The following EHBP1 variants were observed in gnomAD, a reference collection of about 807,000 sequenced individuals.
The protein encoded by EHBP1 is EH domain binding protein 1.
A neutral mutation model predicts 144.0 loss-of-function variants in EHBP1; 55 were observed. The observed-to-expected ratio is 0.38, with a 90% CI of 0.31 to 0.48. EHBP1 has a LOEUF of 0.48. Ranked by LOEUF, EHBP1 falls within the 20% of genes least tolerant of loss-of-function variation. EHBP1 has a pLI of 0.98. For synonymous variants in EHBP1, 469 were observed against 472.7 expected, an observed-to-expected ratio of 0.99 and a Z score of 0.10; for missense variants, 1,200 against 1,364.2, an observed-to-expected ratio of 0.88 and a Z score of 1.90.
chr2:62,759,416 G>GT (rs1017804341), intron 3 of EHBP1, among the ~76,000 whole-genome samples: 1 of 151,818 alleles, frequency 6.6e-6, no homozygotes, highest in Non-Finnish European at 1.5e-5. Context: ...TTTTTCTTTT[G>GT]TTTTTTTGAG....
intron 2 of EHBP1, among the ~76,000 whole-genome samples, chr2:62,733,686 A>T (rs2037831532): frequency 6.6e-6 from 1 of 152,156 alleles, no homozygotes; most frequent in Non-Finnish European, 1.5e-5. Context: ...CAAAGTGGCT[A>T]CTTTTTCTCT....
intron 7 of EHBP1, among the ~76,000 whole-genome samples, chr2:62,841,825 T>C (rs2047903446): frequency 6.6e-6 from 1 of 152,166 alleles, no homozygotes; most frequent in Non-Finnish European, 1.5e-5. Flanking sequence ...TAAGTGGGTG[T>C]CTTTCCCCTA....
intron 7 of EHBP1, among the ~76,000 whole-genome samples, chr2:62,850,974 C>T (rs2048655365): frequency 6.6e-6 from 1 of 152,096 alleles, no homozygotes; most frequent in African/African-American, 2.4e-5. Flanking sequence ...AACTAATAGC[C>T]CAGTCTCAGT....
At chr2:62,963,624 C>T (rs2058101952) in intron 14 of EHBP1, among the ~76,000 whole-genome samples, 1 of 152,128 alleles carries the variant, frequency 6.6e-6, no homozygotes, top group South Asian at 2.1e-4. Context: ...CCTAATTACA[C>T]ATATTATCAA....
chr2:62,731,118 A>G (rs999374211), intron 2 of EHBP1, among the ~76,000 whole-genome samples: 1 of 151,440 alleles, frequency 6.6e-6, no homozygotes, highest in African/African-American at 2.4e-5. Flanking sequence ...GATCTTGTAT[A>G]TATTTATTGG....
At chr2:63,034,758 G>T (rs1018566928) in intron 19 of EHBP1, among the ~76,000 whole-genome samples, 1 of 151,334 alleles carries the variant, frequency 6.6e-6, no homozygotes, top group Non-Finnish European at 1.5e-5. Context: ...TCAAAGTACC[G>T]CACTGACAGC....
At chr2:62,725,472 CA>C (rs1325275605) in intron 2 of EHBP1, among the ~76,000 whole-genome samples, 1 of 152,208 alleles carries the variant, frequency 6.6e-6, no homozygotes. Context: ...GGTGTTGGCA[CA>C]GGGGTGGGGC....
intron 5 of EHBP1, among the ~76,000 whole-genome samples, chr2:62,779,307 T>C (rs1241079024): frequency 6.6e-6 from 1 of 152,224 alleles, no homozygotes; most frequent in Non-Finnish European, 1.5e-5. Flanking sequence ...TAATTAAGAA[T>C]GGTTTAGTCA....
At chr2:62,907,928 T>C (rs1398794598) in intron 10 of EHBP1, among the ~76,000 whole-genome samples, 3 of 152,206 alleles carry the variant, frequency 2.0e-5, no homozygotes, top group Non-Finnish European at 4.4e-5. Context: ...TATTTTGTCC[T>C]GGAGGAGGAA....
chr2:62,988,073 G>A (rs780083566), intron 15 of EHBP1: 3 of 1,206,796 alleles, frequency 2.5e-6, no homozygotes, highest in Admixed American at 3.6e-5. Context: ...GTGTCCTGCT[G>A]CATGGCAAAC....
At chr2:62,722,993 A>T (rs2151944115) in intron 2 of EHBP1, among the ~76,000 whole-genome samples, 1 of 152,230 alleles carries the variant, frequency 6.6e-6, no homozygotes, top group South Asian at 2.1e-4. Flanking sequence ...TTGTTTTTGG[A>T]TGGAGAGTTC....
In EHBP1 at chr2:63,000,123, G is replaced by A. The variant is rs575103653; in HGVS notation, c.3103+3357G>A. 3.5e-4 allele frequency among the ~76,000 whole-genome samples: 53 copies of A among 152,272 alleles called. No homozygotes were observed. In the South Asian group the frequency reaches 9.5e-3, roughly 27 times the overall value. On this transcript the variant is annotated intron_variant, in intron 19 of 22. Transcript: ENST00000431489. ...AGGCAGGATGGGTGGGGCCTGGATG[G>A]TGGCCCAGATTGCTGGGCATTTCTC...
chr2:62,948,196 CT>C, intron 12 of EHBP1, 63 bp from the exon 13 acceptor site: 1 of 1,382,934 alleles, frequency 7.2e-7, no homozygotes, highest in Non-Finnish European at 9.6e-7. Flanking sequence ...AAAATGTGCT[CT>C]TTTTAAAATG....
chr2:62,712,936 G>A (rs1264361060), intron 2 of EHBP1, among the ~76,000 whole-genome samples: 2 of 152,126 alleles, frequency 1.3e-5, no homozygotes, highest in African/African-American at 4.8e-5. Context: ...CATGAAATAT[G>A]AGTATACTTT....
chr2:63,011,568 CAG>C (rs2060271316), intron 19 of EHBP1, among the ~76,000 whole-genome samples: 1 of 151,852 alleles, frequency 6.6e-6, no homozygotes, highest in Non-Finnish European at 1.5e-5. Context: ...GGTTGTTTAA[CAG>C]AATAACATTA....
At chr2:62,841,462 C>T (rs1184179884) in intron 7 of EHBP1, among the ~76,000 whole-genome samples, 1 of 151,530 alleles carries the variant, frequency 6.6e-6, no homozygotes, top group Non-Finnish European at 1.5e-5. Context: ...GCACAATGTG[C>T]ACATGTACCC....
chr2:62,720,916 A>G (rs914157059), intron 2 of EHBP1, among the ~76,000 whole-genome samples: 3 of 152,362 alleles, frequency 2.0e-5, no homozygotes, highest in Admixed American at 6.5e-5. Flanking sequence ...AGCTTGATAT[A>G]GAGAGTTCTT....
chr2:62,673,967 A>G (rs1383704733), exon 1 of EHBP1: 2 of 465,764 alleles, frequency 4.3e-6, no homozygotes, highest in Non-Finnish European at 8.9e-6. Context: ...GTTGCTTGCT[A>G]GGACACAAGG....
In EHBP1 at chr2:62,859,124, T is replaced by G. The variant is rs752408208; in HGVS notation, c.635-45T>G. The G allele has an allele frequency of 5.2e-6, 8 of 1,547,326 alleles. No homozygotes were observed. In the South Asian group the frequency reaches 7.4e-5, roughly 14 times the overall value. On this transcript the variant is annotated intron_variant, in intron 7 of 22. Coordinates refer to ENST00000431489, the MANE Select transcript of EHBP1 (RefSeq NM_001142616.3). ...AAATATTTCACGAATGTTCAATACTTACACTTAACCATAATAGGGAACTAA... is the reference window on the plus strand; with the variant it reads ...AAATATTTCACGAATGTTCAATACTGACACTTAACCATAATAGGGAACTAA...
Sources: gnomAD v4.1 joint callset for allele counts (sites outside exome capture counted in the v4.1 genomes callset) on GRCh38, gnomAD v4.1.1 for gene constraint, MANE v1.5 for transcripts, NCBI Gene and HGNC (gene_info 2026-07-23, HGNC 2026-07-21) for gene names.